Variants in ANKS1B observed in about 807,000 individuals in gnomAD.
ANKS1B encodes ankyrin repeat and sterile alpha motif domain-containing protein 1B.
ANKS1B carries 36 observed loss-of-function variants against 148.3 expected under a neutral mutation model. The observed-to-expected ratio is 0.24, with a 90% CI of 0.19 to 0.32. ANKS1B has a LOEUF of 0.32. Among genes scored for constraint, ANKS1B ranks in the 10% least tolerant of loss-of-function variants. ANKS1B has a pLI of 1.00. For missense variants in ANKS1B, 1,157 were observed against 1,542.6 expected (o/e 0.75, Z 4.19); for synonymous variants, 542 against 560.8 (o/e 0.97, Z 0.47).
chr12:99,582,959 C>G (rs917423594), intron 9 of ANKS1B, among the ~76,000 whole-genome samples: 1 of 152,090 alleles, frequency 6.6e-6, no homozygotes, highest in Non-Finnish European at 1.5e-5. Context: ...ACCTGTCCCC[C>G]TTTGGTGTAC....
At chr12:99,169,958 A>T (rs2077579251) in intron 14 of ANKS1B, among the ~76,000 whole-genome samples, 1 of 152,184 alleles carries the variant, frequency 6.6e-6, no homozygotes. Context: ...ATGCTCATCC[A>T]TACACGTGCC....
intron 10 of ANKS1B, among the ~76,000 whole-genome samples, chr12:99,493,803 G>T (rs1486247167): frequency 6.6e-6 from 1 of 152,124 alleles, no homozygotes; most frequent in East Asian, 1.9e-4. Context: ...ATAAGTAGAT[G>T]ATATTAAGTA....
chr12:98,876,007 C>A (rs1323149530), intron 17 of ANKS1B, among the ~76,000 whole-genome samples: 1 of 152,168 alleles, frequency 6.6e-6, no homozygotes, highest in African/African-American at 2.4e-5. Context: ...GGAACCATAA[C>A]AAAAACTGAA....
intron 17 of ANKS1B, among the ~76,000 whole-genome samples, chr12:98,982,841 T>C (rs2099913543): frequency 6.6e-6 from 1 of 152,226 alleles, no homozygotes; most frequent in African/African-American, 2.4e-5. Context: ...GCCATGAAAA[T>C]TCTTGCATAA....
chr12:99,208,043 A>C (rs1394898918), intron 14 of ANKS1B, among the ~76,000 whole-genome samples: 3 of 152,132 alleles, frequency 2.0e-5, no homozygotes, highest in African/African-American at 7.2e-5. Context: ...TTAAAACCAC[A>C]AGGTTTTCTG....
At chr12:99,593,920 T>C (rs978423477) in intron 9 of ANKS1B, among the ~76,000 whole-genome samples, 1 of 152,082 alleles carries the variant, frequency 6.6e-6, no homozygotes, top group Non-Finnish European at 1.5e-5. Context: ...ATACACATTA[T>C]CATTTATGCT....
At chr12:98,895,011 G>GGCGGCGCA in intron 17 of ANKS1B, 1 of 735,676 alleles carries the variant, frequency 1.4e-6, no homozygotes, top group Non-Finnish European at 1.7e-6. Context: ...GCGGCGGCGC[G>GGCGGCGCA]TCCTCCCCCG....
chr12:99,596,080 CA>C (rs2097756330), intron 9 of ANKS1B, among the ~76,000 whole-genome samples: 1 of 151,840 alleles, frequency 6.6e-6, no homozygotes, highest in Non-Finnish European at 1.5e-5. Context: ...ATCTGAATAA[CA>C]ATGTATATTT....
chr12:99,522,796 G>A (rs539810066), intron 9 of ANKS1B, among the ~76,000 whole-genome samples: 7 of 152,190 alleles, frequency 4.6e-5, no homozygotes, highest in Admixed American at 6.5e-5. Context: ...CCTAGAAAGA[G>A]TGACAGGCCT....
chr12:98,960,409 G>T (rs546771526), intron 17 of ANKS1B, among the ~76,000 whole-genome samples: 2 of 152,148 alleles, frequency 1.3e-5, no homozygotes, highest in South Asian at 4.1e-4. Flanking sequence ...CTAAGAGACC[G>T]CAAGAGTCAC....
At chr12:99,562,968 G>A (rs2097352499) in intron 9 of ANKS1B, among the ~76,000 whole-genome samples, 1 of 152,188 alleles carries the variant, frequency 6.6e-6, no homozygotes, top group African/African-American at 2.4e-5. Flanking sequence ...GTACTATGGA[G>A]ACAGTTTTTT....
intron 11 of ANKS1B, among the ~76,000 whole-genome samples, chr12:99,423,489 T>C (rs1220350256): frequency 6.6e-6 from 1 of 152,114 alleles, no homozygotes; most frequent in Non-Finnish European, 1.5e-5. Flanking sequence ...ACTGGGTATG[T>C]ACCCAAAAGA....
intron 2 of ANKS1B, among the ~76,000 whole-genome samples, chr12:99,819,456 T>G (rs897891034): frequency 6.6e-6 from 1 of 151,792 alleles, no homozygotes; most frequent in African/African-American, 2.4e-5. Context: ...ATCATACAGA[T>G]AGCTTATTAT....
chr12:99,773,016 A>G lies in ANKS1B; in HGVS notation c.1034T>C (p.Phe345Ser). ...TGATATTGTGTGGCACAAGTCTTCA[A>G]ACGAATAATCCTTTTCTTGACAGAG... ...IKLCQEKDYSFEDLCHTISDH... is the reference protein window; with the variant it reads ...IKLCQEKDYSSEDLCHTISDH... The change falls in exon 8 of 27, where the codon TTT becomes TCT. Residue 345 changes from phenylalanine (F) to serine (S), a missense_variant. Phe to Ser is a radical substitution (Grantham distance 155, BLOSUM62 -2). This residue lies in a region of ANKS1B where 661 missense variants were observed against 642.1 expected (regional missense o/e 1.03). Transcript: ENST00000683438. The G allele has an allele frequency of 2.5e-6, 4 of 1,611,976 alleles. No homozygotes were observed. The East Asian group carries it at 8.9e-5, about 36-fold the overall frequency.
At chr12:98,912,234 G>C (rs1279463103) in intron 17 of ANKS1B, among the ~76,000 whole-genome samples, 1 of 152,198 alleles carries the variant, frequency 6.6e-6, no homozygotes, top group African/African-American at 2.4e-5. Context: ...CTGAGGTTAT[G>C]AACCATGGCA....
chr12:99,097,588 G>T (rs2056620891), intron 15 of ANKS1B: 1 of 151,950 alleles, frequency 6.6e-6, no homozygotes, highest in South Asian at 2.1e-4. Context: ...AAAATAAAAA[G>T]AATATACAGT....
intron 1 of ANKS1B, among the ~76,000 whole-genome samples, chr12:99,923,062 G>A (rs1424909864): frequency 3.3e-5 from 5 of 152,144 alleles, no homozygotes; most frequent in Admixed American, 1.3e-4. Context: ...ACAGGCAAAA[G>A]AAGAAATCTG....
intron 15 of ANKS1B, among the ~76,000 whole-genome samples, chr12:99,128,094 C>A (rs189833296): frequency 1.3e-5 from 2 of 152,196 alleles, no homozygotes; most frequent in Admixed American, 1.3e-4. Flanking sequence ...TACTTATAAT[C>A]GTTTCAAGAA....
At position 98,773,155 on chromosome 12, in the gene ANKS1B, G is replaced by A. The variant is rs965673606; in HGVS notation, c.3466C>T (p.Arg1156Cys). The A allele has an allele frequency of 4.4e-6, 7 of 1,609,168 alleles. No homozygotes were observed. The highest frequency in any genetic ancestry group is 1.1e-5 in the South Asian group (1 of 89,814). The change falls in exon 25 of 27, where the codon CGT (arginine) becomes TGT (cysteine). Residue 1156 changes from arginine to cysteine, a missense_variant. Physicochemically the swap from Arg to Cys is radical, Grantham distance 180. Coordinates refer to ENST00000683438, the MANE Select transcript of ANKS1B (RefSeq NM_001352186.2). Reference sequence around the variant, plus strand: ...TCCTGGGCAGCACAGGAGATATTACGAATTTCATGCTCAGCAATTATGTTC... The same window carrying A: ...TCCTGGGCAGCACAGGAGATATTACAAATTTCATGCTCAGCAATTATGTTC... ...NKNIIAEHEI[R>C]NISCAAQDPE...
Sources: allele counts gnomAD v4.1 joint callset (sites outside exome capture counted in the v4.1 genomes callset), GRCh38; gene constraint gnomAD v4.1.1; regional missense constraint gnomAD v4.1.1; transcripts MANE v1.5; gene names NCBI Gene and HGNC (gene_info 2026-07-23, HGNC 2026-07-21).